The following DCAF10 variants were observed in gnomAD, a reference collection of about 807,000 sequenced individuals.
The protein encoded by DCAF10 is DDB1- and CUL4-associated factor 10.
A neutral mutation model predicts 51.9 loss-of-function variants in DCAF10; 19 were observed. The observed-to-expected ratio is 0.37, with a 90% CI of 0.26 to 0.54. The LOEUF (loss-of-function observed/expected upper bound fraction) is 0.54. DCAF10 is among the 20% of genes least tolerant of loss of function. The pLI, the probability that DCAF10 is intolerant of heterozygous loss-of-function variation, is 0.87. For synonymous variants in DCAF10, 291 were observed against 297.1 expected (o/e 0.98, Z 0.21); for missense variants, 510 against 730.6 (o/e 0.70, Z 3.48).
intron 1 of DCAF10, among the ~76,000 whole-genome samples, chr9:37,814,108 A>G (rs1238301531): frequency 1.6e-4 from 16 of 102,308 alleles, no homozygotes; most frequent in African/African-American, 6.6e-4. Context: ...ATATATATAT[A>G]TATATATATA....
Position 37,801,335 on chromosome 9 carries a change from C to A in DCAF10, c.469C>A (p.Pro157Thr). 1 of 1,585,686 alleles carries A rather than the reference C, an allele frequency of 6.3e-7. No individual in the cohort carries two copies. The highest frequency in any genetic ancestry group is 8.6e-7 in the Non-Finnish European group (1 of 1,169,278). ...GACTAGCCTCTACGGTTCCATCCAC[C>A]CCGCGGACTCGGTGTACCTCAGCAC... Reference protein sequence around the residue: ...TMTSLYGSIHPADSVYLSTRT... With the variant: ...TMTSLYGSIHTADSVYLSTRT... The change falls in exon 1 of 7, where the codon CCC becomes ACC. Residue 157 changes from proline (P) to threonine (T), a missense_variant. Transcript: ENST00000377724. This position sits in a 1 kb window ranked among gnomAD's most constrained non-coding sequence, Gnocchi z 5.5.
At chr9:37,851,710 G>A (rs779902034) in intron 3 of DCAF10, among the ~76,000 whole-genome samples, 2 of 151,340 alleles carry the variant, frequency 1.3e-5, no homozygotes, top group East Asian at 1.9e-4. Flanking sequence ...CAGGAGAATC[G>A]CTTGAACCTG....
intron 3 of DCAF10, among the ~76,000 whole-genome samples, chr9:37,853,413 CAAAAA>C (rs34861994): frequency 3.6e-5 from 4 of 111,810 alleles, no homozygotes; most frequent in African/African-American, 1.3e-4. Context: ...AACTCCATCT[CAAAAA>C]AAAAAAAAAA....
At chr9:37,831,132 G>A (rs1175577709) in intron 2 of DCAF10, among the ~76,000 whole-genome samples, 1 of 152,122 alleles carries the variant, frequency 6.6e-6, no homozygotes, top group Non-Finnish European at 1.5e-5. Flanking sequence ...CAGGAGACTC[G>A]CTTGAACCCA....
chr9:37,820,532 G>T (rs888423011), intron 2 of DCAF10, among the ~76,000 whole-genome samples: 19 of 152,286 alleles, frequency 1.2e-4, no homozygotes, highest in African/African-American at 4.1e-4. Flanking sequence ...GAGACTATAA[G>T]TTTTAGCTGA....
intron 2 of DCAF10, chr9:37,835,963 T>G: frequency 1.0e-6 from 1 of 974,888 alleles, no homozygotes; most frequent in Non-Finnish European, 1.7e-6. Flanking sequence ...TATATTGCCC[T>G]TAGAACTGTT....
chr9:37,815,759 A>G (rs747570145), intron 1 of DCAF10, among the ~76,000 whole-genome samples: 4 of 152,254 alleles, frequency 2.6e-5, no homozygotes, highest in Non-Finnish European at 5.9e-5. Flanking sequence ...ATCAATATTT[A>G]AAAATCAGTT....
At position 37,814,080 on chromosome 9, in the gene DCAF10, CTATATATATATA is replaced by C. The variant is rs58660288; in HGVS notation, c.540-5172_540-5161del. ...TGAACCACTTTGAAACTATTTGTCA[CTATATATATATA>C]TATATATATATATATATATATATAT... On this transcript the variant is annotated intron_variant, in intron 1 of 6. Transcript: ENST00000377724. 9.2e-3 allele frequency among the ~76,000 whole-genome samples: 432 copies of C among 47,084 alleles called. 7 individuals carry two copies. The highest frequency in any genetic ancestry group is 0.023 in the African/African-American group (312 of 13,312). The allele number at this position is 47,084 out of a possible 152,430, so 30.9% of individuals were successfully genotyped here.
Position 37,861,629 on chromosome 9 carries a change from G to T in DCAF10, c.*121G>T, listed in dbSNP as rs1831020080. On this transcript the variant is annotated 3_prime_UTR_variant, in exon 7 of 7. Transcript: ENST00000377724. This position sits in a 1 kb window ranked among gnomAD's most constrained non-coding sequence, Gnocchi z 4.9. The stretch of plus-strand genomic sequence containing the variant: ...TTTGGGTCAAGATCCTGGTTCTTAT[G>T]GGTCCATGAACACACTTGTGACCTT... 1 of 1,403,642 alleles carries T rather than the reference G, an allele frequency of 7.1e-7. No homozygotes were observed. Among genetic ancestry groups the T allele is most frequent in the Non-Finnish European group, 9.5e-7 (1 of 1,050,580 alleles). 86.9% of individuals were successfully genotyped at this position (1,403,642 alleles called of 1,614,324 possible). A position where few individuals can be genotyped will look rare whatever the true frequency, so the allele number is the denominator to read the frequency against.
At chr9:37,855,082 GAC>G (rs888824373) in intron 4 of DCAF10, 100 bp downstream of exon 4, 41 of 1,184,466 alleles carry the variant, frequency 3.5e-5, no homozygotes, top group Non-Finnish European at 4.5e-5. Flanking sequence ...GAAAAGGGAA[GAC>G]AGTTTTTTAA....
intron 6 of DCAF10, 124 bp downstream of exon 6, chr9:37,860,317 C>G: frequency 8.0e-7 from 1 of 1,254,090 alleles, no homozygotes; most frequent in Non-Finnish European, 1.1e-6. Context: ...GCTAGAGATC[C>G]TGCTTCTCGA....
intron 1 of DCAF10, among the ~76,000 whole-genome samples, chr9:37,817,146 T>C (rs1178120094): frequency 6.6e-6 from 1 of 152,170 alleles, no homozygotes; most frequent in Non-Finnish European, 1.5e-5. Context: ...TGGGACAAAT[T>C]GTGTACCAGC....
intron 2 of DCAF10, chr9:37,836,107 C>T: frequency 8.0e-7 from 1 of 1,257,158 alleles, no homozygotes; most frequent in East Asian, 2.3e-5. Context: ...CTTGGTATCT[C>T]TATTAAAGTA....
At chr9:37,842,328 AT>A (rs748939260) in intron 3 of DCAF10, 42 bp downstream of exon 3, 26 of 1,561,568 alleles carry the variant, frequency 1.7e-5, no homozygotes, top group Admixed American at 3.7e-5. Flanking sequence ...GAACAAAAAC[AT>A]TTTTTTTAAA....
intron 1 of DCAF10, among the ~76,000 whole-genome samples, chr9:37,809,218 CAT>C (rs1163902766): frequency 6.6e-6 from 1 of 151,164 alleles, no homozygotes; most frequent in Non-Finnish European, 1.5e-5. Context: ...ATAATGAAAT[CAT>C]ATGTCTCAAA....
intron 2 of DCAF10, among the ~76,000 whole-genome samples, chr9:37,826,894 C>T (rs1217622248): frequency 2.1e-5 from 3 of 143,910 alleles, no homozygotes; most frequent in Non-Finnish European, 3.0e-5. Flanking sequence ...GGCGCGATCT[C>T]GGCTCACCAC....
Position 37,816,659 on chromosome 9 carries a change from GGTGTGTGTGT to G in DCAF10, c.540-2606_540-2597del, listed in dbSNP as rs1554685707. 1.9e-4 allele frequency among the ~76,000 whole-genome samples: 28 copies of G among 144,984 alleles called. No homozygotes were observed. The East Asian group carries it at 4.7e-3, about 24-fold the overall frequency. The stretch of plus-strand genomic sequence containing the variant: ...AATCTCAATTAACATCTGCACCTGG[GGTGTGTGTGT>G]GTGTGTGTGTGTGTGTGTGTGTATA... On this transcript the variant is annotated intron_variant, in intron 1 of 6. Coordinates refer to ENST00000377724, the MANE Select transcript of DCAF10 (RefSeq NM_024345.5).
intron 2 of DCAF10, among the ~76,000 whole-genome samples, chr9:37,822,926 C>T (rs1395902747): frequency 6.6e-6 from 1 of 152,068 alleles, no homozygotes; most frequent in East Asian, 1.9e-4. Context: ...TATGATTGCA[C>T]CACTGCTCTC....
chr9:37,850,130 T>C (rs1830591556), intron 3 of DCAF10, among the ~76,000 whole-genome samples: 1 of 152,208 alleles, frequency 6.6e-6, no homozygotes, highest in Admixed American at 6.5e-5. Context: ...CTGTTCTATA[T>C]AGAAAATCTT....
Sources: gnomAD v4.1 joint callset for allele counts (sites outside exome capture counted in the v4.1 genomes callset) on GRCh38, gnomAD v4.1.1 for gene constraint, Gnocchi (gnomAD v3.1) non-coding constraint, MANE v1.5 for transcripts, NCBI Gene and HGNC (gene_info 2026-07-23, HGNC 2026-07-21) for gene names.